The following FZD4 variants were observed in gnomAD, a reference collection of about 807,000 sequenced individuals.
The protein encoded by FZD4 is frizzled-4.
FZD4 carries 16 observed loss-of-function variants against 37.3 expected under a neutral mutation model. The observed-to-expected ratio is 0.43, with a 90% CI of 0.29 to 0.65. The LOEUF (loss-of-function observed/expected upper bound fraction) is 0.65. FZD4 is among the 30% of genes least tolerant of loss of function. The pLI, the probability that FZD4 is intolerant of heterozygous loss-of-function variation, is 0.16. For synonymous variants in FZD4, 246 were observed against 254.8 expected, an observed-to-expected ratio of 0.97 and a Z score of 0.33; for missense variants, 599 against 674.3, an observed-to-expected ratio of 0.89 and a Z score of 1.24.
At position 86,950,972 on chromosome 11, in the gene FZD4, G is replaced by A; in HGVS notation, c.*170C>T. 1 of 710,966 alleles carries A rather than the reference G, an allele frequency of 1.4e-6. No homozygotes were observed. 44.0% of individuals were successfully genotyped at this position (710,966 alleles called of 1,614,324 possible). On this transcript the variant is annotated 3_prime_UTR_variant, in exon 2 of 2. Transcript: ENST00000531380. ...TTCCAAAGTCTGCAGCAAAATCATT[G>A]GTTTTTTGATGCTGGGGTCGGGGTG...
Position 86,951,973 on chromosome 11 carries a change from G to GCA in FZD4, c.781_782dup (p.Tyr262AlafsTer13). On this transcript the variant is annotated frameshift_variant, in exon 2 of 2. Transcript: ENST00000531380. LOFTEE classifies it high-confidence loss of function. Reference sequence around the variant, plus strand: ...TATAAGCAATGCTATAAATATTATAGCACATACTGAGAAATATGATGGGGC... The same window carrying GCA: ...TATAAGCAATGCTATAAATATTATAGCACACATACTGAGAAATATGATGGGGC... 1 of 1,614,020 alleles carries GCA rather than the reference G, an allele frequency of 6.2e-7. No individual in the cohort carries two copies. Among genetic ancestry groups the GCA allele is most frequent in the Non-Finnish European group, 8.5e-7 (1 of 1,179,956 alleles).
chr11:86,951,998 C>T lies in FZD4; in HGVS notation c.758G>A (p.Arg253His), dbSNP rs761845677. The T allele has an allele frequency of 3.8e-5, 62 of 1,613,820 alleles. No homozygotes were observed. Among genetic ancestry groups the T allele is most frequent in the African/African-American group, 2.7e-5 (2 of 74,858 alleles). ...IDSSRFSYPERPIIFLSMCYN... is the reference protein window; with the variant it reads ...IDSSRFSYPEHPIIFLSMCYN... ...GCACATACTGAGAAATATGATGGGG[C>T]GCTCAGGGTAGGAAAACCTAGAAGA... Residue 253 changes from arginine (R) to histidine (H), a missense_variant, in exon 2 of 2, where the codon CGC becomes CAC. Coordinates refer to ENST00000531380, the MANE Select transcript of FZD4 (RefSeq NM_012193.4).
rs1252071666 is a variant in FZD4, at chr11:86,951,381, T to C, written c.1375A>G (p.Ile459Val). The stretch of plus-strand genomic sequence containing the variant: ...TACCGAAAAAGTGCCCAGTTGGAGA[T>C]TTCATAAAAATAACAGGCAATCACA... ...TCVIACYFYE[I>V]SNWALFRYSA... Residue 459 changes from isoleucine to valine, a missense_variant, in exon 2 of 2, where the codon ATC becomes GTC. Ile to Val is a conservative substitution (Grantham distance 29). Around this residue, in one of 3 missense-constraint regions of FZD4, gnomAD observed 203 missense variants for 196.8 expected, o/e 1.03. Transcript: ENST00000531380. The C allele has an allele frequency of 1.2e-6, 2 of 1,613,866 alleles. No homozygotes were observed. The highest frequency in any genetic ancestry group is 8.5e-7 in the Non-Finnish European group (1 of 1,179,906).
In FZD4 at chr11:86,952,058, G is replaced by T; in HGVS notation, c.698C>A (p.Ser233Tyr). ...MAVWASLCFISTAFTVLTFLI... is the reference protein window; with the variant it reads ...MAVWASLCFIYTAFTVLTFLI... ...GAAGGTCAGTACTGTGAAGGCAGTG[G>T]AGATGAAACACAGGCTGGCCCACAC... Residue 233 changes from serine to tyrosine, a missense_variant, in exon 2 of 2, where the codon TCC becomes TAC. This residue lies in a region of FZD4 where 357 missense variants were observed against 396.1 expected (regional missense o/e 0.90). Coordinates refer to ENST00000531380, the MANE Select transcript of FZD4 (RefSeq NM_012193.4). 2 of 1,614,076 alleles carry T rather than the reference G, an allele frequency of 1.2e-6. No homozygotes were observed. The highest frequency in any genetic ancestry group is 1.7e-6 in the Non-Finnish European group (2 of 1,179,932).
At chr11:86,954,202 C>G in intron 1 of FZD4, 4 of 983,048 alleles carry the variant, frequency 4.1e-6, no homozygotes, top group Non-Finnish European at 4.8e-6. Flanking sequence ...TTCCAATATA[C>G]CAACCACCTT....
Position 86,955,230 on chromosome 11 carries a change from TC to T in FZD4, c.-146del. The T allele has an allele frequency of 5.1e-6, 3 of 589,280 alleles. No individual in the cohort carries two copies. Among genetic ancestry groups the T allele is most frequent in the Non-Finnish European group, 8.2e-6 (3 of 366,442 alleles). 36.5% of individuals were successfully genotyped at this position (589,280 alleles called of 1,614,324 possible). The stretch of plus-strand genomic sequence containing the variant: ...GCGACGAGGGGGCAGCGGCCGGCTC[TC>T]CAGCAGCTGCGCGCGACTGTGTGGG... On this transcript the variant is annotated 5_prime_UTR_variant, in exon 1 of 2. Transcript: ENST00000531380.
rs1246348126 is a variant in FZD4, at chr11:86,949,369, T to C, written c.*1773A>G. ...AGAATTTGACCACCTTTTTGGAATT[T>C]TGAGTCCCTGGAAATGTTTTTCCAC... On this transcript the variant is annotated 3_prime_UTR_variant, in exon 2 of 2. Coordinates refer to ENST00000531380, the MANE Select transcript of FZD4 (RefSeq NM_012193.4). The C allele has an allele frequency of 6.6e-6, 1 of 151,868 alleles. No individual in the cohort carries two copies. The highest frequency in any genetic ancestry group is 1.5e-5 in the Non-Finnish European group (1 of 67,980). The allele number at this position is 151,868 out of a possible 1,614,324, so 9.4% of individuals were successfully genotyped here.
rs1590942330 is a variant in FZD4 at position 86,950,117 on chromosome 11, C to G, written c.*1025G>C. ...AATGTGCTTTTAATTGTAATTGACACACAAAAATTACACAGCTAATCTGTG... is the reference window on the plus strand; with the variant it reads ...AATGTGCTTTTAATTGTAATTGACAGACAAAAATTACACAGCTAATCTGTG... On this transcript the variant is annotated 3_prime_UTR_variant, in exon 2 of 2. Transcript: ENST00000531380. 6.5e-6 allele frequency: 1 copy of G among 152,702 alleles called. No homozygotes were observed. The highest frequency in any genetic ancestry group is 2.4e-5 in the African/African-American group (1 of 41,584). The allele number at this position is 152,702 out of a possible 1,614,324, so 9.5% of individuals were successfully genotyped here. A position where few individuals can be genotyped will look rare whatever the true frequency, so the allele number is the denominator to read the frequency against.
rs1303162341 is a variant in FZD4 at position 86,955,375 on chromosome 11, A to C, written c.-290T>G. 5 of 313,046 alleles carry C rather than the reference A, an allele frequency of 1.6e-5. No homozygotes were observed. The highest frequency in any genetic ancestry group is 5.1e-5 in the Admixed American group (1 of 19,470). 19.4% of individuals were successfully genotyped at this position (313,046 alleles called of 1,614,324 possible). On this transcript the variant is annotated 5_prime_UTR_variant, in exon 1 of 2. Transcript: ENST00000531380. ...CGGCGTCTCCGCGAGGCCAGCCAGC[A>C]GCCAGCGCTGCGCAGCTCTCACCGC...
chr11:86,955,077 C>T lies in FZD4; in HGVS notation c.9G>A (p.Trp3Ter), dbSNP rs1949325180. 1 of 1,551,652 alleles carries T rather than the reference C, an allele frequency of 6.4e-7. No individual in the cohort carries two copies. The highest frequency in any genetic ancestry group is 8.7e-7 in the Non-Finnish European group (1 of 1,153,762). ...CCGGGACGCTCGGCCCTGCGCCCCG[C>T]CAGGCCATGGCCAGCATCGGGGGTA... MA[W>*]RGAGPSVPGA... The change falls in exon 1 of 2, where the codon TGG becomes TGA. Residue 3 changes from tryptophan (W) to a stop codon, truncating the protein, a stop_gained. Transcript: ENST00000531380. LOFTEE classifies it high-confidence loss of function.
Position 86,945,850 on chromosome 11 carries a change from T to C in FZD4, c.*5292A>G, listed in dbSNP as rs1355579728. On this transcript the variant is annotated 3_prime_UTR_variant, in exon 2 of 2. Coordinates refer to ENST00000531380, the MANE Select transcript of FZD4 (RefSeq NM_012193.4). ...AATTTAGCAATTCATTCAGGGCATGTGTAGCAGGAAGTTTGCCTGGTACCT... is the reference window on the plus strand; with the variant it reads ...AATTTAGCAATTCATTCAGGGCATGCGTAGCAGGAAGTTTGCCTGGTACCT... 2 of 152,552 alleles carry C rather than the reference T, an allele frequency of 1.3e-5. No homozygotes were observed. Among genetic ancestry groups the C allele is most frequent in the African/African-American group, 4.8e-5 (2 of 41,388 alleles). The allele number at this position is 152,552 out of a possible 1,614,324, so 9.4% of individuals were successfully genotyped here.
In FZD4 at chr11:86,952,337, G is replaced by C. The variant is rs1459671601; in HGVS notation, c.419C>G (p.Pro140Arg). The part of the protein sequence containing the change: ...PVLKEFGFAW[P>R]ESLNCSKFPP... Reference sequence around the variant, plus strand: ...GAATTTGCTGCAGTTCAGACTCTCTGGCCAGGCAAATCCAAATTCCTTCAG... The same window carrying C: ...GAATTTGCTGCAGTTCAGACTCTCTCGCCAGGCAAATCCAAATTCCTTCAG... The change falls in exon 2 of 2, where the codon CCA becomes CGA. Residue 140 changes from proline (P) to arginine (R), a missense_variant. Coordinates refer to ENST00000531380, the MANE Select transcript of FZD4 (RefSeq NM_012193.4). 1 of 1,614,078 alleles carries C rather than the reference G, an allele frequency of 6.2e-7. No homozygotes were observed. Among genetic ancestry groups the C allele is most frequent in the Non-Finnish European group, 8.5e-7 (1 of 1,180,052 alleles).
At chr11:86,952,515 T>A in intron 1 of FZD4, 45 bp from the exon 2 acceptor site, 2 of 1,600,400 alleles carry the variant, frequency 1.2e-6, no homozygotes, top group South Asian at 2.2e-5. Flanking sequence ...AACAATGACT[T>A]GGAAGTTTGA....
rs141140009 is a variant in FZD4, at chr11:86,951,668, A to G, written c.1088T>C (p.Leu363Ser). The G allele has an allele frequency of 6.2e-7, 1 of 1,614,064 alleles. No individual in the cohort carries two copies. The highest frequency in any genetic ancestry group is 1.3e-5 in the African/African-American group (1 of 74,934). Residue 363 changes from leucine to serine, a missense_variant, in exon 2 of 2, where the codon TTG becomes TCG. This residue lies in a region of FZD4 where 39 missense variants were observed against 81.4 expected (regional missense o/e 0.48). Coordinates refer to ENST00000531380, the MANE Select transcript of FZD4 (RefSeq NM_012193.4). ...ATCTGCATCCACCAGTCTCATAATCAAGATGACAATGGTTTTCACTGCGGG... is the reference window on the plus strand; with the variant it reads ...ATCTGCATCCACCAGTCTCATAATCGAGATGACAATGGTTTTCACTGCGGG... ...AIPAVKTIVI[L>S]IMRLVDADEL...
Position 86,945,830 on chromosome 11 carries a change from A to C in FZD4, c.*5312T>G, listed in dbSNP as rs1949237968. On this transcript the variant is annotated 3_prime_UTR_variant, in exon 2 of 2. Transcript: ENST00000531380. ...GCAGGGTCCATTTCCTTTGAAATTT[A>C]GCAATTCATTCAGGGCATGTGTAGC... 1 of 152,634 alleles carries C rather than the reference A, an allele frequency of 6.6e-6. No individual in the cohort carries two copies. Among genetic ancestry groups the C allele is most frequent in the African/African-American group, 2.4e-5 (1 of 41,442 alleles). 9.5% of individuals were successfully genotyped at this position (152,634 alleles called of 1,614,324 possible).
In FZD4 at chr11:86,951,877, G is replaced by C; in HGVS notation, c.879C>G (p.Ile293Met). The C allele has an allele frequency of 6.2e-7, 1 of 1,613,550 alleles. No homozygotes were observed. Among genetic ancestry groups the C allele is most frequent in the Non-Finnish European group, 8.5e-7 (1 of 1,179,998 alleles). ...DFEEAAEPVLIQEGLKNTGCA... is the reference protein window; with the variant it reads ...DFEEAAEPVLMQEGLKNTGCA... ...ATCCTGTGTTCTTAAGTCCTTCTTG[G>C]ATGAGAACAGGTTCTGCTGCCTCTT... The change falls in exon 2 of 2, where the codon ATC becomes ATG. Residue 293 changes from isoleucine (I) to methionine (M), a missense_variant. Around this residue, in one of 3 missense-constraint regions of FZD4, gnomAD observed 357 missense variants for 396.1 expected, o/e 0.90. Transcript: ENST00000531380.
In FZD4 at chr11:86,949,964, C is replaced by T. The variant is rs1354363956; in HGVS notation, c.*1178G>A. ...AAAGTCTCCATTGTCCTAAGTAGAC[C>T]AGATTCTGATAACATTCTTATGCTT... On this transcript the variant is annotated 3_prime_UTR_variant, in exon 2 of 2. Coordinates refer to ENST00000531380, the MANE Select transcript of FZD4 (RefSeq NM_012193.4). The T allele has an allele frequency of 6.6e-6, 1 of 152,382 alleles. No individual in the cohort carries two copies. The highest frequency in any genetic ancestry group is 2.4e-5 in the African/African-American group (1 of 41,428). The allele number at this position is 152,382 out of a possible 1,614,324, so 9.4% of individuals were successfully genotyped here.
intron 1 of FZD4, chr11:86,954,158 G>C (rs942104829): frequency 1.1e-5 from 8 of 698,672 alleles, no homozygotes; most frequent in African/African-American, 7.7e-5. Flanking sequence ...CATTAGATAT[G>C]CTTTACATTT....
Position 86,951,286 on chromosome 11 carries a change from A to C in FZD4, c.1470T>G (p.Thr490=). The part of the protein sequence containing the change: ...KIFMSLLVGI[T]SGMWIWSAKT... ...TGGCAGACCAAATCCACATGCCTGA[A>C]GTGATGCCCACCAACAAAGACATAA... The change falls in exon 2 of 2, where the codon ACT becomes ACG. Residue 490 remains threonine (T), a synonymous_variant. Transcript: ENST00000531380. 2 of 1,614,194 alleles carry C rather than the reference A, an allele frequency of 1.2e-6. No individual in the cohort carries two copies. The highest frequency in any genetic ancestry group is 2.2e-5 in the South Asian group (2 of 91,084).
Sources: gnomAD v4.1 joint callset for allele counts on GRCh38, gnomAD v4.1.1 for gene constraint, gnomAD v4.1.1 regional missense constraint, MANE v1.5 for transcripts, NCBI Gene and HGNC (gene_info 2026-07-23, HGNC 2026-07-21) for gene names.